The following PLXDC2 variants were observed in gnomAD, a reference collection of about 807,000 sequenced individuals.
PLXDC2 encodes plexin domain containing 2.
PLXDC2 carries 40 observed loss-of-function variants against 68.9 expected under a neutral mutation model. That is an observed-to-expected ratio of 0.58 (90% CI 0.45 to 0.76). PLXDC2 has a LOEUF of 0.76. Ranked by LOEUF, PLXDC2 falls within the 30% of genes least tolerant of loss-of-function variation. The pLI is 0.00. For missense variants in PLXDC2, 644 were observed against 661.9 expected (o/e 0.97, Z 0.30); for synonymous variants, 243 against 234.2 (o/e 1.04, Z -0.34).
intron 4 of PLXDC2, among the ~76,000 whole-genome samples, chr10:20,102,309 C>T (rs986062488): frequency 1.3e-5 from 2 of 152,148 alleles, no homozygotes; most frequent in Non-Finnish European, 1.5e-5. Context: ...TTAGATAACT[C>T]GGTGTTTCCT....
chr10:20,045,531 G>A (rs956066595), intron 2 of PLXDC2, among the ~76,000 whole-genome samples: 5 of 151,976 alleles, frequency 3.3e-5, no homozygotes, highest in Non-Finnish European at 5.9e-5. Flanking sequence ...ATTTACACTT[G>A]GATCATAGTC....
At chr10:20,238,698 CAT>C (rs1439937315) in intron 12 of PLXDC2, among the ~76,000 whole-genome samples, 5 of 105,380 alleles carry the variant, frequency 4.7e-5, no homozygotes, top group East Asian at 2.9e-4. Flanking sequence ...TATATACACA[CAT>C]ATATATGTGT....
At chr10:20,236,452 A>G (rs1835433544) in intron 12 of PLXDC2, among the ~76,000 whole-genome samples, 1 of 152,126 alleles carries the variant, frequency 6.6e-6, no homozygotes, top group Admixed American at 6.6e-5. Flanking sequence ...CTAAAAATTA[A>G]TAATAATAAC....
chr10:19,939,484 G>A (rs1833780062), intron 1 of PLXDC2, among the ~76,000 whole-genome samples: 1 of 152,086 alleles, frequency 6.6e-6, no homozygotes, highest in South Asian at 2.1e-4. Flanking sequence ...TTAGGGACAT[G>A]ATTTCTCCAA....
At chr10:19,941,628 A>G (rs944358872) in intron 1 of PLXDC2, among the ~76,000 whole-genome samples, 1 of 152,216 alleles carries the variant, frequency 6.6e-6, no homozygotes, top group Non-Finnish European at 1.5e-5. Flanking sequence ...GTCACTTTAA[A>G]TAATGCCTAA....
At chr10:19,864,379 T>TCTGGC (rs1837376162) in intron 1 of PLXDC2, among the ~76,000 whole-genome samples, 2 of 152,204 alleles carry the variant, frequency 1.3e-5, no homozygotes. Context: ...AAAATAGGCA[T>TCTGGC]CTATCTGGCA....
Position 19,972,256 on chromosome 10 carries a change from G to A in PLXDC2, c.113-29519G>A, listed in dbSNP as rs1201064583. 1.1e-4 allele frequency among the ~76,000 whole-genome samples: 16 copies of A among 152,118 alleles called. No individual in the cohort carries two copies. The East Asian group carries it at 1.3e-3, about 13-fold the overall frequency. ...TGGTACATCTATACTGTGGAATTCC[G>A]TGTAGCCATAAAAAGAATGAAATCA... On this transcript the variant is annotated intron_variant, in intron 1 of 13. Coordinates refer to ENST00000377252, the MANE Select transcript of PLXDC2 (RefSeq NM_032812.9).
intron 1 of PLXDC2, among the ~76,000 whole-genome samples, chr10:19,895,378 G>T (rs555151164): frequency 2.0e-4 from 31 of 152,092 alleles, no homozygotes; most frequent in Non-Finnish European, 3.2e-4. Context: ...CCGCAAAAGT[G>T]AGCTTCCTGT....
chr10:20,077,423 C>T (rs1038714982), intron 4 of PLXDC2, among the ~76,000 whole-genome samples: 1 of 152,102 alleles, frequency 6.6e-6, no homozygotes, highest in Non-Finnish European at 1.5e-5. Context: ...AGCTATATAG[C>T]TCTGGAACTG....
chr10:19,831,000 T>A (rs1331564003), intron 1 of PLXDC2, among the ~76,000 whole-genome samples: 2 of 152,156 alleles, frequency 1.3e-5, no homozygotes, highest in African/African-American at 4.8e-5. Context: ...TTTCCTTTTT[T>A]TTTTTGTTTG....
chr10:20,190,977 G>A (rs1481190828), intron 9 of PLXDC2, among the ~76,000 whole-genome samples: 2 of 151,836 alleles, frequency 1.3e-5, no homozygotes, highest in Non-Finnish European at 2.9e-5. Flanking sequence ...TTTATTTTCT[G>A]TCCAGTTCTG....
At chr10:20,247,839 A>C (rs1835621141) in intron 13 of PLXDC2, among the ~76,000 whole-genome samples, 1 of 152,222 alleles carries the variant, frequency 6.6e-6, no homozygotes, top group African/African-American at 2.4e-5. Context: ...ACTTCCAGTG[A>C]AATTTCATAT....
intron 1 of PLXDC2, among the ~76,000 whole-genome samples, chr10:19,872,357 A>G (rs542804578): frequency 8.6e-4 from 131 of 152,354 alleles, no homozygotes; most frequent in African/African-American, 2.3e-3. Flanking sequence ...TGACAGCTCT[A>G]TTAGAAGCCA....
chr10:19,873,127 A>ACGAC (rs1837571863), intron 1 of PLXDC2, among the ~76,000 whole-genome samples: 2 of 152,206 alleles, frequency 1.3e-5, no homozygotes. Flanking sequence ...ACTGAAGTTC[A>ACGAC]CGACCGATGT....
chr10:20,139,763 C>G (rs1003418743), intron 4 of PLXDC2, among the ~76,000 whole-genome samples: 7 of 147,050 alleles, frequency 4.8e-5, no homozygotes, highest in African/African-American at 1.0e-4. Context: ...AACAGAAAAC[C>G]AAACACTGCA....
Position 19,886,221 on chromosome 10 carries a change from C to T in PLXDC2, c.112+69030C>T, listed in dbSNP as rs558524894. On this transcript the variant is annotated intron_variant, in intron 1 of 13. Transcript: ENST00000377252. Reference sequence around the variant, plus strand: ...ATTGATTTTGTATCCTGAGACTTCGCTGAAGTTGCTTATCAGCTTAAGGAG... The same window carrying T: ...ATTGATTTTGTATCCTGAGACTTCGTTGAAGTTGCTTATCAGCTTAAGGAG... Among the ~76,000 whole-genome samples, 237 of 152,252 alleles carry T rather than the reference C, an allele frequency of 1.6e-3. 1 individual carries two copies. The highest frequency in any genetic ancestry group is 2.1e-3 in the Non-Finnish European group (145 of 68,024).
At chr10:20,167,096 A>G (rs574038000) in intron 7 of PLXDC2, among the ~76,000 whole-genome samples, 2 of 151,566 alleles carry the variant, frequency 1.3e-5, no homozygotes, top group South Asian at 4.2e-4. Flanking sequence ...AAATTAGCCA[A>G]GAAGGAATGA....
chr10:20,121,001 T>C (rs2131760399), intron 4 of PLXDC2, among the ~76,000 whole-genome samples: 1 of 152,210 alleles, frequency 6.6e-6, no homozygotes, highest in South Asian at 2.1e-4. Context: ...ATCAGAGAGA[T>C]ACAGTCATGG....
At chr10:20,203,486 T>A (rs576493516) in intron 9 of PLXDC2, among the ~76,000 whole-genome samples, 3 of 151,982 alleles carry the variant, frequency 2.0e-5, no homozygotes, top group African/African-American at 7.2e-5. Flanking sequence ...TCTTTTTCTT[T>A]TTTTTGTAGA....
Sources: gnomAD v4.1 joint callset for allele counts (sites outside exome capture counted in the v4.1 genomes callset) on GRCh38, gnomAD v4.1.1 for gene constraint, MANE v1.5 for transcripts, NCBI Gene and HGNC (gene_info 2026-07-23, HGNC 2026-07-21) for gene names.